The following JAK1 variants were observed in gnomAD, a reference collection of about 807,000 sequenced individuals.
The protein encoded by JAK1 is tyrosine-protein kinase JAK1.
A neutral mutation model predicts 136.6 loss-of-function variants in JAK1; 16 were observed. The ratio of observed to expected loss-of-function variants is 0.12; its 90% CI spans 0.08 to 0.18. The LOEUF (loss-of-function observed/expected upper bound fraction) is 0.18, where lower values mean the gene tolerates loss of function less well. JAK1 is among the 10% of genes least tolerant of loss of function. JAK1 has a pLI of 1.00. For synonymous variants in JAK1, 492 were observed against 519.5 expected (o/e 0.95, Z 0.72); for missense variants, 859 against 1,450.1 (o/e 0.59, Z 6.62).
chr1:64,913,968 G>A (rs982246167), intron 1 of JAK1, among the ~76,000 whole-genome samples: 30 of 152,174 alleles, frequency 2.0e-4, no homozygotes, highest in African/African-American at 5.5e-4. Flanking sequence ...TGGAGGGTGC[G>A]TTGGGGGGTG....
intron 2 of JAK1, among the ~76,000 whole-genome samples, chr1:65,030,031 C>T (rs1647009238): frequency 6.6e-6 from 1 of 152,070 alleles, no homozygotes; most frequent in South Asian, 2.1e-4. Flanking sequence ...CCTAATCCCC[C>T]ATGTGATGGT....
intron 2 of JAK1, among the ~76,000 whole-genome samples, chr1:65,024,880 G>A (rs1376424685): frequency 6.6e-6 from 1 of 152,104 alleles, no homozygotes; most frequent in Non-Finnish European, 1.5e-5. Flanking sequence ...AGGAGGCTGA[G>A]GCACGAGAAT....
chr1:65,005,132 C>T (rs1353179912), intron 2 of JAK1, among the ~76,000 whole-genome samples: 8 of 152,056 alleles, frequency 5.3e-5, no homozygotes, highest in Admixed American at 3.9e-4. Context: ...TTTTATCAAA[C>T]GAAAACTGTA....
intron 4 of JAK1, among the ~76,000 whole-genome samples, chr1:64,874,883 TCTCGTA>T (rs1441522400): frequency 6.6e-6 from 1 of 152,168 alleles, no homozygotes; most frequent in Non-Finnish European, 1.5e-5. Flanking sequence ...CAGGCATGTT[TCTCGTA>T]CTCTGTGAGT....
intron 20 of JAK1, 62 bp from the exon 21 acceptor site, chr1:64,838,651 A>AG (rs1654645571): frequency 7.6e-6 from 12 of 1,577,640 alleles, no homozygotes; most frequent in Non-Finnish European, 9.5e-6. Flanking sequence ...GGGAGAGGCA[A>AG]GGGCACAGGA....
At chr1:65,002,392 G>A (rs922529971) in intron 2 of JAK1, 1 of 152,166 alleles carries the variant, frequency 6.6e-6, no homozygotes, top group African/African-American at 2.4e-5. Context: ...ATGAGCTAGT[G>A]GCATGTCGAG....
chr1:64,894,797 C>A (rs768319774), intron 1 of JAK1, among the ~76,000 whole-genome samples: 25 of 151,508 alleles, frequency 1.7e-4, no homozygotes, highest in Non-Finnish European at 2.1e-4. Flanking sequence ...CAAAAAAAAA[C>A]CAGGAAATCT....
intron 1 of JAK1, among the ~76,000 whole-genome samples, chr1:64,907,145 A>T (rs1645203299): frequency 1.3e-5 from 2 of 152,222 alleles, no homozygotes; most frequent in Non-Finnish European, 2.9e-5. Flanking sequence ...AGATGCTTCC[A>T]CAGCCTAATT....
chr1:65,003,976 C>T (rs895094270), intron 2 of JAK1: 12 of 152,216 alleles, frequency 7.9e-5, no homozygotes, highest in African/African-American at 2.7e-4. Flanking sequence ...TATTCTCGCT[C>T]TGTCGCCCAG....
chr1:64,836,997 G>GTTC (rs1238918738), intron 22 of JAK1, among the ~76,000 whole-genome samples: 4 of 152,152 alleles, frequency 2.6e-5, no homozygotes, highest in Non-Finnish European at 4.4e-5. Flanking sequence ...CCTCACTGAG[G>GTTC]TTCAGTTCCT....
At chr1:64,887,477 C>T (rs1033619004) in intron 1 of JAK1, among the ~76,000 whole-genome samples, 2 of 152,200 alleles carry the variant, frequency 1.3e-5, no homozygotes, top group Admixed American at 1.3e-4. Context: ...AGATGCTATA[C>T]TTGTTGAAGA....
intron 1 of JAK1, among the ~76,000 whole-genome samples, chr1:64,918,861 T>C (rs1242939563): frequency 1.3e-5 from 2 of 152,308 alleles, no homozygotes; most frequent in South Asian, 2.1e-4. Flanking sequence ...AATTACCTTA[T>C]CCTCTCCAGT....
At chr1:64,861,058 G>A (rs918618693) in intron 8 of JAK1, among the ~76,000 whole-genome samples, 6 of 151,958 alleles carry the variant, frequency 3.9e-5, no homozygotes, top group African/African-American at 1.5e-4. Context: ...CCAGATGGGA[G>A]AAGAGGAAGC....
upstream of JAK1, among the ~76,000 whole-genome samples, chr1:64,966,731 T>A (rs1454809001): frequency 1.4e-5 from 2 of 140,920 alleles, no homozygotes; most frequent in African/African-American, 5.3e-5. Flanking sequence ...CTCGCGAAGC[T>A]GCCCCCACTC....
At chr1:64,965,033 A>G (rs1646347604) in intron 1 of JAK1, among the ~76,000 whole-genome samples, 1 of 152,216 alleles carries the variant, frequency 6.6e-6, no homozygotes, top group Non-Finnish European at 1.5e-5. Context: ...GGAAGAACAA[A>G]GATTCAATCA....
intron 1 of JAK1, among the ~76,000 whole-genome samples, chr1:64,902,751 C>G (rs180752823): frequency 7.6e-4 from 115 of 152,102 alleles, no homozygotes; most frequent in Admixed American, 7.0e-3. Flanking sequence ...CACCAGACCC[C>G]AATACGCAGT....
At chr1:64,946,645 T>G (rs1350034123) in intron 1 of JAK1, among the ~76,000 whole-genome samples, 1 of 152,126 alleles carries the variant, frequency 6.6e-6, no homozygotes, top group African/African-American at 2.4e-5. Flanking sequence ...CAAAAAGAGT[T>G]AATTACGGGC....
chr1:65,041,001 T>G (rs949197366), intron 2 of JAK1, among the ~76,000 whole-genome samples: 16 of 152,076 alleles, frequency 1.1e-4, no homozygotes, highest in African/African-American at 3.9e-4. Flanking sequence ...CTATCACAGA[T>G]CCATCATTTC....
At chr1:64,909,111 C>T (rs1418593555) in intron 1 of JAK1, among the ~76,000 whole-genome samples, 1 of 152,190 alleles carries the variant, frequency 6.6e-6, no homozygotes, top group East Asian at 1.9e-4. Context: ...TCCTTCCTAC[C>T]AAACTATCTG....
Sources: allele counts gnomAD v4.1 joint callset (sites outside exome capture counted in the v4.1 genomes callset), GRCh38; gene constraint gnomAD v4.1.1; transcripts MANE v1.5; gene names NCBI Gene and HGNC (gene_info 2026-07-23, HGNC 2026-07-21).